MYO6: variants seen among roughly 807,000 people sequenced by gnomAD.
MYO6 encodes myosin VI, also known as unconventional myosin-VI.
Under a neutral mutation model 178.7 loss-of-function variants are expected in MYO6, and 74 were observed. The ratio of observed to expected loss-of-function variants is 0.41; its 90% CI spans 0.34 to 0.50. The LOEUF (loss-of-function observed/expected upper bound fraction) is 0.50. Ranked by LOEUF, MYO6 falls within the 20% of genes least tolerant of loss-of-function variation. MYO6 has a pLI of 0.09. For missense variants in MYO6, 1,330 were observed against 1,547.4 expected, an observed-to-expected ratio of 0.86 and a Z score of 2.36; for synonymous variants, 477 against 504.6, an observed-to-expected ratio of 0.95 and a Z score of 0.73.
intron 1 of MYO6, among the ~76,000 whole-genome samples, chr6:75,788,907 A>G (rs1239180183): frequency 6.6e-6 from 1 of 152,262 alleles, no homozygotes; most frequent in Non-Finnish European, 1.5e-5. Flanking sequence ...AATTGAGGAA[A>G]GAAATAAGCG....
intron 3 of MYO6, among the ~76,000 whole-genome samples, chr6:75,823,125 T>A (rs1228984062): frequency 6.6e-6 from 1 of 152,196 alleles, no homozygotes; most frequent in Non-Finnish European, 1.5e-5. Flanking sequence ...TAAAAGTCTC[T>A]TGTTAACAGT....
intron 1 of MYO6, among the ~76,000 whole-genome samples, chr6:75,770,649 G>A (rs144495010): frequency 0.016 from 2,470 of 152,210 alleles, 64 homozygotes; most frequent in African/African-American, 0.057. Context: ...GCTAATTTTC[G>A]TATTTTTAGT....
In MYO6 at chr6:75,914,930, T is replaced by C; in HGVS notation, c.3776T>C (p.Ile1259Thr). 1.9e-6 allele frequency: 3 copies of C among 1,614,086 alleles called. No individual in the cohort carries two copies. Among genetic ancestry groups the C allele is most frequent in the Non-Finnish European group, 2.5e-6 (3 of 1,180,018 alleles). Residue 1259 changes from isoleucine to threonine, a missense_variant, in exon 35 of 35, where the codon ATC becomes ACC. Transcript: ENST00000369977. ...GAAATCTGGGAACGCTGTGGAGGCA[T>C]CCAGTACCTTCAGAATGCGATTGAG... is the stretch of plus-strand genomic sequence containing the variant. ...FEEIWERCGG[I>T]QYLQNAIESR...
intron 5 of MYO6, among the ~76,000 whole-genome samples, chr6:75,832,034 C>G (rs1469685760): frequency 6.6e-6 from 1 of 152,110 alleles, no homozygotes; most frequent in Admixed American, 6.6e-5. Flanking sequence ...AAATAGTTGT[C>G]TTATAGAGCC....
intron 4 of MYO6, among the ~76,000 whole-genome samples, chr6:75,829,840 A>G (rs1028812082): frequency 1.3e-5 from 2 of 152,150 alleles, no homozygotes; most frequent in African/African-American, 4.8e-5. Context: ...TGGTTAACAT[A>G]TATTGTTTGG....
At chr6:75,883,640 G>C (rs1299628212) in intron 23 of MYO6, among the ~76,000 whole-genome samples, 1 of 151,440 alleles carries the variant, frequency 6.6e-6, no homozygotes, top group African/African-American at 2.4e-5. Flanking sequence ...TGTGTGGTTT[G>C]GCCAGGTCAT....
intron 1 of MYO6, among the ~76,000 whole-genome samples, chr6:75,801,751 G>C (rs905502769): frequency 6.6e-6 from 1 of 152,060 alleles, no homozygotes; most frequent in African/African-American, 2.4e-5. Context: ...GACCAGCCTG[G>C]CCAACCTGGT....
At chr6:75,914,698 AAAGTCTTAGGAAGT>A (rs1208748282) in intron 34 of MYO6, 101 bp from the exon 35 acceptor site, 3 of 1,007,102 alleles carry the variant, frequency 3.0e-6, no homozygotes, top group Non-Finnish European at 4.5e-6. Flanking sequence ...TCTTAGAGAA[AAAGTCTTAGGAAGT>A]TTTCAAATCT....
chr6:75,873,214 G>T lies in MYO6; in HGVS notation c.1991G>T (p.Ser664Ile). ...LLDKLRSTGA[S>I]FIRCIKPNLK... ...GTACCTTTATTTTCCTAGGGAGCAA[G>T]CTTTATTCGTTGCATCAAACCTAAC... The change falls in exon 20 of 35, where the codon AGC (serine) becomes ATC (isoleucine). Residue 664 changes from serine (S) to isoleucine (I), a missense_variant. Transcript: ENST00000369977. The T allele has an allele frequency of 2.5e-6, 4 of 1,613,846 alleles. No individual in the cohort carries two copies. Among genetic ancestry groups the T allele is most frequent in the Non-Finnish European group, 3.4e-6 (4 of 1,179,798 alleles).
chr6:75,756,903 A>G (rs1159244810), intron 1 of MYO6, among the ~76,000 whole-genome samples: 1 of 92,028 alleles, frequency 1.1e-5, no homozygotes, highest in African/African-American at 3.2e-5. Flanking sequence ...GTATATATAT[A>G]TATATATACA....
intron 1 of MYO6, among the ~76,000 whole-genome samples, chr6:75,801,483 G>T (rs573482898): frequency 6.6e-6 from 1 of 152,206 alleles, no homozygotes; most frequent in African/African-American, 2.4e-5. Flanking sequence ...AGACTGTATG[G>T]GCACAGATGC....
intron 31 of MYO6, 105 bp downstream of exon 31, chr6:75,907,813 T>TGTGC (rs1562314476): frequency 3.7e-6 from 3 of 807,960 alleles, no homozygotes; most frequent in Non-Finnish European, 6.3e-6. Flanking sequence ...TGTGTGTGTG[T>TGTGC]GTGTATGTGT....
In MYO6 at chr6:75,890,134, A is replaced by G; in HGVS notation, c.2736A>G (p.Ala912=). Residue 912 remains alanine (A), a synonymous_variant, in exon 26 of 35, where the codon GCA becomes GCG. Coordinates refer to ENST00000369977, the MANE Select transcript of MYO6 (RefSeq NM_004999.4). The part of the protein sequence containing the change: ...LVKSSEELLS[A]LQKKKQQEEE... ...AAAGCTCAGAGGAACTCCTCAGTGC[A>G]TTACAGAAAAAAAAACAGCAGGAAG... The G allele has an allele frequency of 1.9e-6, 3 of 1,613,960 alleles. No individual in the cohort carries two copies. Among genetic ancestry groups the G allele is most frequent in the Non-Finnish European group, 2.5e-6 (3 of 1,179,904 alleles).
chr6:75,835,690 C>G (rs1164210968), intron 6 of MYO6, among the ~76,000 whole-genome samples: 1 of 152,072 alleles, frequency 6.6e-6, no homozygotes, highest in Non-Finnish European at 1.5e-5. Flanking sequence ...CCTTGGCCTC[C>G]CAAAATGCTG....
At chr6:75,870,949 G>A (rs569801436) in intron 19 of MYO6, among the ~76,000 whole-genome samples, 1 of 152,234 alleles carries the variant, frequency 6.6e-6, no homozygotes, top group South Asian at 2.1e-4. Context: ...AGTGGTAATA[G>A]TGGAGAATTT....
intron 34 of MYO6, 87 bp downstream of exon 34, chr6:75,914,368 A>G (rs1780995719): frequency 7.6e-7 from 1 of 1,313,388 alleles, no homozygotes. Context: ...ATAATATAAT[A>G]ATTTATTACA....
intron 32 of MYO6, among the ~76,000 whole-genome samples, chr6:75,910,595 A>T (rs1780688141): frequency 6.6e-6 from 1 of 152,196 alleles, no homozygotes; most frequent in Non-Finnish European, 1.5e-5. Context: ...TTATGTGAAC[A>T]CAACCCCACA....
rs746223740 is a variant in MYO6 at position 75,907,684 on chromosome 6, C to T, written c.3256C>T (p.Arg1086Cys). 1.9e-6 allele frequency: 3 copies of T among 1,612,266 alleles called. No homozygotes were observed. The highest frequency in any genetic ancestry group is 4.5e-5 in the East Asian group (2 of 44,834). Residue 1086 changes from arginine to cysteine, a missense_variant, in exon 31 of 35, where the codon CGT (arginine) becomes TGT (cysteine). Around this residue, in one of 3 missense-constraint regions of MYO6, gnomAD observed 601 missense variants for 626.1 expected, o/e 0.96. Coordinates refer to ENST00000369977, the MANE Select transcript of MYO6 (RefSeq NM_004999.4). ...TAGTAAATGGAAATATGCAGAACTA[C>T]GTGATACCATCAATACTTCTTGTGG... Reference protein sequence around the residue: ...DLSKWKYAELRDTINTSCDIE... With the variant: ...DLSKWKYAELCDTINTSCDIE...
intron 1 of MYO6, among the ~76,000 whole-genome samples, chr6:75,752,055 C>T (rs1050472068): frequency 6.6e-6 from 1 of 150,842 alleles, no homozygotes; most frequent in Admixed American, 6.6e-5. Context: ...TGCAGTGGCA[C>T]GATCTTGGGT....
Sources: gnomAD v4.1 joint callset for allele counts (sites outside exome capture counted in the v4.1 genomes callset) on GRCh38, gnomAD v4.1.1 for gene constraint, gnomAD v4.1.1 regional missense constraint, MANE v1.5 for transcripts, NCBI Gene and HGNC (gene_info 2026-07-23, HGNC 2026-07-21) for gene names.